Variants in PRKG1 observed in about 807,000 individuals in gnomAD.
The protein encoded by PRKG1 is protein kinase cGMP-dependent 1.
Under a neutral mutation model 88.1 loss-of-function variants are expected in PRKG1, and 35 were observed. The ratio of observed to expected loss-of-function variants is 0.40; its 90% confidence interval spans 0.30 to 0.53. PRKG1 has a LOEUF of 0.53. Ranked by LOEUF, PRKG1 falls within the 20% of genes least tolerant of loss-of-function variation. The probability of loss-of-function intolerance (pLI) is 0.59; values close to 1 mark genes in which losing one functional copy is unlikely to be tolerated. For missense variants in PRKG1, 540 were observed against 839.8 expected (o/e 0.64, Z 4.41); for synonymous variants, 303 against 292.5 (o/e 1.04, Z -0.37).
At chr10:51,549,362 G>A (rs548139831) in intron 3 of PRKG1, among the ~76,000 whole-genome samples, 1 of 151,312 alleles carries the variant, frequency 6.6e-6, no homozygotes, top group South Asian at 2.1e-4. Flanking sequence ...CTGACCTTGG[G>A]GATACCATGT....
intron 4 of PRKG1, among the ~76,000 whole-genome samples, chr10:51,818,449 T>TTTTCTTTC (rs1839650475): frequency 6.6e-6 from 1 of 152,168 alleles, no homozygotes; most frequent in African/African-American, 2.4e-5. Flanking sequence ...AAAAGAGATA[T>TTTTCTTTC]TTTCTTTCTT....
chr10:51,848,668 T>TGTGTG (rs1840467636), intron 4 of PRKG1, among the ~76,000 whole-genome samples: 2 of 148,238 alleles, frequency 1.3e-5, no homozygotes, highest in African/African-American at 5.1e-5. Context: ...TGTGTGTGTG[T>TGTGTG]TTTATATTTT....
intron 3 of PRKG1, among the ~76,000 whole-genome samples, chr10:51,543,019 C>G (rs1842349130): frequency 6.6e-6 from 1 of 152,150 alleles, no homozygotes; most frequent in Non-Finnish European, 1.5e-5. Flanking sequence ...GCATTCAAAA[C>G]TATGTTTCTT....
intron 1 of PRKG1, among the ~76,000 whole-genome samples, chr10:51,057,223 TG>T (rs1479335186): frequency 6.6e-6 from 1 of 152,232 alleles, no homozygotes; most frequent in African/African-American, 2.4e-5. Context: ...CCTGACATTT[TG>T]AGGTCAGGAT....
chr10:51,519,828 A>G (rs150875129), intron 3 of PRKG1, among the ~76,000 whole-genome samples: 1 of 152,184 alleles, frequency 6.6e-6, no homozygotes, highest in South Asian at 2.1e-4. Flanking sequence ...GCGACAGCTA[A>G]ATTAGCAGAA....
intron 7 of PRKG1, among the ~76,000 whole-genome samples, chr10:52,066,751 T>G (rs1475538055): frequency 6.6e-6 from 1 of 152,196 alleles, no homozygotes; most frequent in African/African-American, 2.4e-5. Flanking sequence ...AAACCTAGAT[T>G]TTAAAAATAT....
At chr10:51,012,539 G>A (rs936622449) in intron 1 of PRKG1, among the ~76,000 whole-genome samples, 3 of 152,172 alleles carry the variant, frequency 2.0e-5, no homozygotes, top group African/African-American at 4.8e-5. Flanking sequence ...GTGAGTGGCT[G>A]AGAAGGTACC....
intron 7 of PRKG1, among the ~76,000 whole-genome samples, chr10:52,094,522 T>G (rs1200186523): frequency 6.6e-6 from 1 of 152,178 alleles, no homozygotes; most frequent in Non-Finnish European, 1.5e-5. Flanking sequence ...AACCAAAGAA[T>G]TCTCCCTCAT....
In PRKG1 at chr10:51,757,634, T is replaced by C. The variant is rs529697885; in HGVS notation, c.593-46951T>C. ...ACAAGTGGTTACTGAGCACTTGAAA[T>C]GTGACTAGTCTGAATTGAGATGTGT... is the stretch of plus-strand genomic sequence containing the variant. On this transcript the variant is annotated intron_variant, in intron 3 of 17. Coordinates refer to ENST00000373980, the MANE Select transcript of PRKG1 (RefSeq NM_006258.4). 2.6e-5 allele frequency among the ~76,000 whole-genome samples: 4 copies of C among 152,222 alleles called. No homozygotes were observed. The South Asian group carries it at 8.4e-4, about 32-fold the overall frequency.
chr10:51,380,416 G>T (rs1181683297), intron 2 of PRKG1, among the ~76,000 whole-genome samples: 1 of 152,128 alleles, frequency 6.6e-6, no homozygotes, highest in African/African-American at 2.4e-5. Context: ...CATGAAAAAA[G>T]AGATTTTTTT....
At chr10:51,347,244 T>C (rs965000589) in intron 2 of PRKG1, among the ~76,000 whole-genome samples, 2 of 151,748 alleles carry the variant, frequency 1.3e-5, no homozygotes, top group South Asian at 2.1e-4. Flanking sequence ...GCCCTTGGAG[T>C]TGGGGTTAAG....
rs190630567 is a variant in PRKG1 at position 51,712,814 on chromosome 10, C to T, written c.593-91771C>T. ...CCATGTTAGCCAGGATGGTCTCGAT[C>T]TCCTGACCTCATGATCCACCTGCCT... On this transcript the variant is annotated intron_variant, in intron 3 of 17. Transcript: ENST00000373980. Among the ~76,000 whole-genome samples the T allele has an allele frequency of 8.1e-3, 1,227 of 152,116 alleles. 5 individuals carry two copies. Among genetic ancestry groups the T allele is most frequent in the Non-Finnish European group, 0.013 (894 of 67,994 alleles).
chr10:51,881,006 G>A (rs555020161), intron 4 of PRKG1, among the ~76,000 whole-genome samples: 1 of 149,924 alleles, frequency 6.7e-6, no homozygotes, highest in East Asian at 2.0e-4. Flanking sequence ...TAAATGACAA[G>A]TAGGAGTTAC....
At chr10:51,253,719 C>A (rs10822496) in intron 2 of PRKG1, among the ~76,000 whole-genome samples, 56,616 of 151,560 alleles carry the variant, frequency 0.37, 10,940 homozygotes, top group Middle Eastern at 0.46. Flanking sequence ...ATTTTATCAG[C>A]GAGGTGCAGA....
intron 2 of PRKG1, among the ~76,000 whole-genome samples, chr10:51,330,873 G>A (rs895184919): frequency 3.3e-5 from 5 of 152,168 alleles, no homozygotes; most frequent in African/African-American, 1.2e-4. Flanking sequence ...GCATATTTGA[G>A]GAATTAGGTA....
intron 5 of PRKG1, among the ~76,000 whole-genome samples, chr10:52,017,057 A>C (rs1446296930): frequency 5.9e-5 from 9 of 152,224 alleles, no homozygotes; most frequent in Admixed American, 5.9e-4. Flanking sequence ...AGGAACAAAA[A>C]GAAGGTTATA....
At chr10:52,254,802 G>A (rs1425459594) in intron 10 of PRKG1, among the ~76,000 whole-genome samples, 1 of 151,982 alleles carries the variant, frequency 6.6e-6, no homozygotes, top group Non-Finnish European at 1.5e-5. Flanking sequence ...ACATAATTTT[G>A]CCACATAATA....
intron 2 of PRKG1, among the ~76,000 whole-genome samples, chr10:51,241,880 T>TG (rs1430490378): frequency 4.6e-5 from 7 of 152,014 alleles, no homozygotes; most frequent in Admixed American, 6.6e-5. Context: ...ATTTCAAAAC[T>TG]GCTTTATTTG....
rs61084614 is a variant in PRKG1, at chr10:51,555,433, T to C, written c.592+87597T>C. ...AAAAGACAACTAGAAATTGTCTTTATTGAAGAAAAAATACAGAGATAAAAC... is the reference window on the plus strand; with the variant it reads ...AAAAGACAACTAGAAATTGTCTTTACTGAAGAAAAAATACAGAGATAAAAC... On this transcript the variant is annotated intron_variant, in intron 3 of 17. Transcript: ENST00000373980. 5.9e-3 allele frequency among the ~76,000 whole-genome samples: 897 copies of C among 152,094 alleles called. 7 individuals carry two copies. The highest frequency in any genetic ancestry group is 0.021 in the African/African-American group (860 of 41,544).
Sources: gnomAD v4.1 joint callset for allele counts (sites outside exome capture counted in the v4.1 genomes callset) on GRCh38, gnomAD v4.1.1 for gene constraint, MANE v1.5 for transcripts, NCBI Gene and HGNC (gene_info 2026-07-23, HGNC 2026-07-21) for gene names.